CADM2: variants seen among roughly 807,000 people sequenced by gnomAD.
CADM2 encodes immunoglobulin superfamily member 4D.
In CADM2, 12 loss-of-function variants were observed where a neutral mutation model predicts 49.8. The ratio of observed to expected loss-of-function variants is 0.24; its 90% CI spans 0.15 to 0.39. The LOEUF (loss-of-function observed/expected upper bound fraction) is 0.39. Ranked by LOEUF, CADM2 falls within the 10% of genes least tolerant of loss-of-function variation. CADM2 has a pLI of 1.00. For missense variants in CADM2, 378 were observed against 492.3 expected (o/e 0.77, Z 2.20); for synonymous variants, 214 against 175.4 (o/e 1.22, Z -1.74).
At chr3:85,588,750 GA>G (rs2107330543) in intron 1 of CADM2, among the ~76,000 whole-genome samples, 1 of 152,094 alleles carries the variant, frequency 6.6e-6, no homozygotes, top group Non-Finnish European at 1.5e-5. Flanking sequence ...AGGCCAGTAA[GA>G]AAAGGCAAAT....
At chr3:85,100,431 A>G (rs940518345) in intron 1 of CADM2, among the ~76,000 whole-genome samples, 1 of 152,324 alleles carries the variant, frequency 6.6e-6, no homozygotes, top group Non-Finnish European at 1.5e-5. Context: ...TTTCCAAAAC[A>G]TGCCTTATCT....
intron 3 of CADM2, among the ~76,000 whole-genome samples, chr3:85,835,884 T>C (rs769649010): frequency 4.0e-5 from 6 of 150,888 alleles, no homozygotes; most frequent in Non-Finnish European, 7.4e-5. Context: ...ATTAGGTCTT[T>C]TCATGTTACT....
intron 3 of CADM2, among the ~76,000 whole-genome samples, chr3:85,861,245 T>C (rs2075521544): frequency 1.3e-5 from 2 of 152,106 alleles, no homozygotes; most frequent in Admixed American, 6.5e-5. Context: ...GTTAGGAGTA[T>C]AGGTAGTGAG....
chr3:85,462,907 T>C (rs9853909), intron 1 of CADM2, among the ~76,000 whole-genome samples: 5 of 152,180 alleles, frequency 3.3e-5, no homozygotes, highest in African/African-American at 7.2e-5. Context: ...CTAGTAGTTG[T>C]AGTTCAGTGG....
intron 3 of CADM2, among the ~76,000 whole-genome samples, chr3:85,833,889 T>C (rs2074290842): frequency 6.6e-6 from 1 of 151,714 alleles, no homozygotes; most frequent in Admixed American, 6.6e-5. Flanking sequence ...TTTTTCCATC[T>C]GTTAAAAATG....
intron 1 of CADM2, among the ~76,000 whole-genome samples, chr3:84,977,889 T>C (rs1259495826): frequency 1.3e-5 from 2 of 152,062 alleles, no homozygotes; most frequent in East Asian, 3.9e-4. Flanking sequence ...ATTGCTTGCT[T>C]TAAACTAAGA....
At chr3:85,837,405 T>A (rs2108252294) in intron 3 of CADM2, among the ~76,000 whole-genome samples, 1 of 150,580 alleles carries the variant, frequency 6.6e-6, no homozygotes, top group Non-Finnish European at 1.5e-5. Flanking sequence ...TTACCTATAA[T>A]TTAATTAGGG....
At chr3:85,373,072 T>G (rs1285065281) in intron 1 of CADM2, among the ~76,000 whole-genome samples, 1 of 152,072 alleles carries the variant, frequency 6.6e-6, no homozygotes, top group Non-Finnish European at 1.5e-5. Flanking sequence ...AATCATGGCT[T>G]CCCAAAAGTA....
chr3:85,974,432 A>G (rs1389878225), intron 8 of CADM2, among the ~76,000 whole-genome samples: 1 of 151,612 alleles, frequency 6.6e-6, no homozygotes, highest in East Asian at 2.0e-4. Flanking sequence ...TTAATAAAAC[A>G]AGCCAGACAT....
At chr3:85,559,664 AC>A (rs2062042891) in intron 1 of CADM2, among the ~76,000 whole-genome samples, 1 of 87,420 alleles carries the variant, frequency 1.1e-5, no homozygotes, top group Admixed American at 1.2e-4. Context: ...AAACACACAC[AC>A]ACACACACAC....
intron 1 of CADM2, among the ~76,000 whole-genome samples, chr3:85,445,633 A>G (rs1202553629): frequency 1.3e-5 from 2 of 152,110 alleles, no homozygotes; most frequent in Non-Finnish European, 2.9e-5. Context: ...TGCCTAAAAT[A>G]CATTAACATT....
intron 1 of CADM2, among the ~76,000 whole-genome samples, chr3:85,197,473 GAT>G (rs2041371764): frequency 6.6e-6 from 1 of 151,932 alleles, no homozygotes; most frequent in Non-Finnish European, 1.5e-5. Context: ...CACTATCTGA[GAT>G]ATCCCGTGCC....
intron 1 of CADM2, among the ~76,000 whole-genome samples, chr3:85,083,988 C>T (rs2037276156): frequency 1.3e-5 from 2 of 152,122 alleles, no homozygotes; most frequent in South Asian, 4.1e-4. Flanking sequence ...CTGACTTAGC[C>T]ATTAGCATGC....
chr3:85,705,796 TG>T (rs1258634486), intron 1 of CADM2, among the ~76,000 whole-genome samples: 3 of 152,208 alleles, frequency 2.0e-5, no homozygotes, highest in African/African-American at 7.2e-5. Flanking sequence ...AGAAGTTAAT[TG>T]GAGTCTACTT....
intron 1 of CADM2, among the ~76,000 whole-genome samples, chr3:85,528,631 A>G (rs1459864867): frequency 6.6e-6 from 1 of 152,214 alleles, no homozygotes; most frequent in African/African-American, 2.4e-5. Flanking sequence ...GTTAGCTATG[A>G]CTACTGCTGC....
chr3:85,335,919 T>C (rs774612322), intron 1 of CADM2, among the ~76,000 whole-genome samples: 3 of 151,356 alleles, frequency 2.0e-5, no homozygotes, highest in Non-Finnish European at 3.0e-5. Context: ...CAAACAGTAA[T>C]AAAACCATAC....
chr3:85,269,029 C>T (rs1330756013), intron 1 of CADM2, among the ~76,000 whole-genome samples: 1 of 151,204 alleles, frequency 6.6e-6, no homozygotes, highest in African/African-American at 2.4e-5. Context: ...AAATCTAGTG[C>T]AGGACCTCAA....
chr3:86,041,547 A>G (rs1003974415), intron 8 of CADM2, among the ~76,000 whole-genome samples: 1 of 152,184 alleles, frequency 6.6e-6, no homozygotes, highest in Non-Finnish European at 1.5e-5. Context: ...TTAAATATAT[A>G]TGCACCCAAT....
chr3:85,813,405 T>G (rs1380271917), intron 3 of CADM2, among the ~76,000 whole-genome samples: 3 of 152,210 alleles, frequency 2.0e-5, no homozygotes, highest in Non-Finnish European at 2.9e-5. Context: ...GTTTGTTTTT[T>G]TCTTATAAAT....
Sources: gnomAD v4.1 joint callset for allele counts (sites outside exome capture counted in the v4.1 genomes callset) on GRCh38, gnomAD v4.1.1 for gene constraint, MANE v1.5 for transcripts, NCBI Gene and HGNC (gene_info 2026-07-23, HGNC 2026-07-21) for gene names.